Variants in EXOC2 observed in about 807,000 individuals in gnomAD.
EXOC2 encodes exocyst complex component 2.
Under a neutral mutation model 131.8 loss-of-function variants are expected in EXOC2, and 70 were observed. The observed-to-expected ratio is 0.53, with a 90% confidence interval of 0.44 to 0.65. The LOEUF (loss-of-function observed/expected upper bound fraction) is 0.65, where lower values mean the gene tolerates loss of function less well. Among genes scored for constraint, EXOC2 ranks in the 30% least tolerant of loss-of-function variants. EXOC2 has a pLI of 0.00. For missense variants in EXOC2, 923 were observed against 1,108.6 expected, an observed-to-expected ratio of 0.83 and a Z score of 2.38; for synonymous variants, 411 against 398.4, an observed-to-expected ratio of 1.03 and a Z score of -0.38.
Position 553,938 on chromosome 6 carries a change from T to C in EXOC2, c.2055-18A>G, listed in dbSNP as rs766081161. 22 of 1,602,700 alleles carry C rather than the reference T, an allele frequency of 1.4e-5. No homozygotes were observed. The highest frequency in any genetic ancestry group is 2.7e-5 in the African/African-American group (2 of 74,578). Reference sequence around the variant, plus strand: ...CAGAGAGACTGAACATAGAAGCAAGTAGGAACAGTTACAAATAAAGCACTC... The same window carrying C: ...CAGAGAGACTGAACATAGAAGCAAGCAGGAACAGTTACAAATAAAGCACTC... On this transcript the variant is annotated intron_variant, in intron 20 of 27. Coordinates refer to ENST00000230449, the MANE Select transcript of EXOC2 (RefSeq NM_018303.6).
rs773027773 is a variant in EXOC2, at chr6:486,285, G to A, written c.*386C>T. ...AAATCTCGTATCAGTCAGTCTCTCCGTGTGTCGTGGGAGCTGCCTGCGCTT... is the reference window on the plus strand; with the variant it reads ...AAATCTCGTATCAGTCAGTCTCTCCATGTGTCGTGGGAGCTGCCTGCGCTT... On this transcript the variant is annotated 3_prime_UTR_variant, in exon 28 of 28. Transcript: ENST00000230449. The A allele has an allele frequency of 8.7e-5, 15 of 172,812 alleles. No homozygotes were observed. The highest frequency in any genetic ancestry group is 3.2e-4 in the South Asian group (2 of 6,252). 10.7% of individuals were successfully genotyped at this position (172,812 alleles called of 1,614,324 possible).
At chr6:593,950 G>A (rs1421422971) in intron 10 of EXOC2, among the ~76,000 whole-genome samples, 1 of 152,238 alleles carries the variant, frequency 6.6e-6, no homozygotes, top group Non-Finnish European at 1.5e-5. Context: ...CTGATGGGGA[G>A]GGACTGGGTG....
At chr6:566,365 C>T (rs147126314) in intron 13 of EXOC2, among the ~76,000 whole-genome samples, 2 of 152,154 alleles carry the variant, frequency 1.3e-5, no homozygotes, top group African/African-American at 2.4e-5. Context: ...TTGCAGTGGC[C>T]CAGGTGAACA....
intron 12 of EXOC2, 68 bp from the exon 13 acceptor site, chr6:572,712 G>A (rs200168093): frequency 4.2e-4 from 660 of 1,561,842 alleles, no homozygotes; most frequent in Non-Finnish European, 5.5e-4. Flanking sequence ...TGAGCATATT[G>A]GCGCACCCCC....
chr6:562,776 A>C lies in EXOC2; in HGVS notation c.1851+8T>G, dbSNP rs1480114795. ...AATGACTAATAATTGAAAAGAACTT[A>C]AACTTACTAGAGAAGTCAGTCCTTC... On this transcript the variant is annotated splice_region_variant and intron_variant, in intron 17 of 27. Coordinates refer to ENST00000230449, the MANE Select transcript of EXOC2 (RefSeq NM_018303.6). The C allele has an allele frequency of 1.9e-6, 3 of 1,577,528 alleles. No homozygotes were observed.
intron 1 of EXOC2, among the ~76,000 whole-genome samples, chr6:648,480 T>A (rs1054929561): frequency 6.6e-6 from 1 of 152,204 alleles, no homozygotes; most frequent in African/African-American, 2.4e-5. Context: ...TCCTCACAAA[T>A]ATTCCAATTG....
intron 1 of EXOC2, among the ~76,000 whole-genome samples, chr6:650,879 C>A (rs1411192876): frequency 6.6e-6 from 1 of 152,038 alleles, no homozygotes; most frequent in South Asian, 2.1e-4. Context: ...TAAAAAATAT[C>A]TTTTATTATA....
chr6:685,984 T>A (rs998597216), intron 1 of EXOC2, among the ~76,000 whole-genome samples: 1 of 150,504 alleles, frequency 6.6e-6, no homozygotes, highest in Non-Finnish European at 1.5e-5. Context: ...TCTTTTTTTT[T>A]TTTTTGAGAC....
intron 11 of EXOC2, 112 bp downstream of exon 11, chr6:592,357 A>G (rs983327499): frequency 8.3e-5 from 76 of 918,500 alleles, no homozygotes; most frequent in Non-Finnish European, 1.1e-4. Context: ...AAAGACAATA[A>G]TAAGAGATAC....
intron 23 of EXOC2, among the ~76,000 whole-genome samples, chr6:503,625 T>G (rs1030155352): frequency 2.0e-5 from 3 of 152,148 alleles, no homozygotes; most frequent in African/African-American, 7.2e-5. Context: ...TTAAAATAAT[T>G]TGTTATATGT....
chr6:562,215 G>A (rs1030643197), intron 17 of EXOC2, among the ~76,000 whole-genome samples: 1 of 152,212 alleles, frequency 6.6e-6, no homozygotes, highest in Non-Finnish European at 1.5e-5. Flanking sequence ...TGTGTCGGCC[G>A]CTGCCTGGCC....
chr6:532,481 G>A lies in EXOC2; in HGVS notation c.2368C>T (p.Leu790=). The change falls in exon 23 of 28, where the codon CTG becomes TTG. Residue 790 remains leucine (L), a synonymous_variant. Transcript: ENST00000230449. Reference sequence around the variant, plus strand: ...CTTTATTACTTACCTGTTGGAGGCAGGCAGTCCTTCCAATCAAAATATCCT... The same window carrying A: ...CTTTATTACTTACCTGTTGGAGGCAAGCAGTCCTTCCAATCAAAATATCCT... ...YAGYFDWKDC[L]PPTGVRNYLK... is the part of the protein sequence containing the mutation. 1.3e-6 allele frequency: 2 copies of A among 1,597,068 alleles called. No individual in the cohort carries two copies. Among genetic ancestry groups the A allele is most frequent in the South Asian group, 1.1e-5 (1 of 87,110 alleles).
At chr6:515,547 G>C (rs1190103537) in intron 23 of EXOC2, among the ~76,000 whole-genome samples, 1 of 152,222 alleles carries the variant, frequency 6.6e-6, no homozygotes, top group Non-Finnish European at 1.5e-5. Flanking sequence ...TGTGGCTCCA[G>C]GGTGCTAGGG....
chr6:533,788 G>C (rs1766253963), intron 22 of EXOC2, among the ~76,000 whole-genome samples: 1 of 152,144 alleles, frequency 6.6e-6, no homozygotes, highest in Non-Finnish European at 1.5e-5. Context: ...CCCTGCAGGG[G>C]GCTGGTGGCC....
rs1373545434 is a variant in EXOC2 at position 657,317 on chromosome 6, ACT to A, written c.-43-19458_-43-19457del. 2.3e-5 allele frequency: 4 copies of A among 175,412 alleles called. 1 individual carries two copies. The highest frequency in any genetic ancestry group is 1.3e-4 in the Admixed American group (2 of 15,872). The allele number at this position is 175,412 out of a possible 1,614,324, so 10.9% of individuals were successfully genotyped here. On this transcript the variant is annotated intron_variant, in intron 1 of 27. Transcript: ENST00000230449. Reference sequence around the variant, plus strand: ...CACTTTTAATCTCTTTGGTATATACACTGATTCCATCTTCATCAATCGGCATA... The same window carrying A: ...CACTTTTAATCTCTTTGGTATATACAGATTCCATCTTCATCAATCGGCATA...
intron 7 of EXOC2, among the ~76,000 whole-genome samples, chr6:602,888 C>T (rs774686918): frequency 2.0e-5 from 3 of 152,198 alleles, no homozygotes; most frequent in Non-Finnish European, 4.4e-5. Flanking sequence ...GTCGGTGGAA[C>T]TCATACCTGC....
At chr6:656,684 C>T (rs1763121970) in intron 1 of EXOC2, 1 of 1,606,828 alleles carries the variant, frequency 6.2e-7, no homozygotes, top group Non-Finnish European at 8.5e-7. Context: ...CCGCCCGGGA[C>T]AGGTGCTCCG....
rs1197734544 is a variant in EXOC2 at position 599,106 on chromosome 6, G to A, written c.862C>T (p.Leu288=). The part of the protein sequence containing the change: ...QRFKFLFNLP[L]NIERNIQKGD... ...TTTTGAATATTCCTTTCAATATTTA[G>A]AGGAAGGTTGAAAAGAAACTTAAAT... The change falls in exon 8 of 28, where the codon CTA becomes TTA. Residue 288 remains leucine, a synonymous_variant. Coordinates refer to ENST00000230449, the MANE Select transcript of EXOC2 (RefSeq NM_018303.6). The A allele has an allele frequency of 9.9e-6, 16 of 1,612,262 alleles. No homozygotes were observed. Among genetic ancestry groups the A allele is most frequent in the Non-Finnish European group, 1.4e-5 (16 of 1,178,964 alleles).
intron 15 of EXOC2, 78 bp downstream of exon 15, chr6:564,467 C>T (rs1181667797): frequency 1.2e-5 from 18 of 1,556,042 alleles, no homozygotes; most frequent in Non-Finnish European, 1.5e-5. Context: ...ATTTCTTCTT[C>T]ACTGAATGTA....
Sources: gnomAD v4.1 joint callset for allele counts (sites outside exome capture counted in the v4.1 genomes callset) on GRCh38, gnomAD v4.1.1 for gene constraint, MANE v1.5 for transcripts, NCBI Gene and HGNC (gene_info 2026-07-23, HGNC 2026-07-21) for gene names.